Variants in PLCG2 observed in about 807,000 individuals in gnomAD.
The protein encoded by PLCG2 is phospholipase C gamma 2.
In PLCG2, 69 loss-of-function variants were observed where a neutral mutation model predicts 175.6. The observed-to-expected ratio is 0.39, with a 90% confidence interval of 0.32 to 0.48. The LOEUF (loss-of-function observed/expected upper bound fraction) is 0.48. PLCG2 is among the 20% of genes least tolerant of loss of function. The pLI is 0.91. For missense variants in PLCG2, 1,798 were observed against 1,650.9 expected (o/e 1.09, Z -1.54); for synonymous variants, 827 against 624.0 (o/e 1.33, Z -4.85).
chr16:81,946,786 C>A (rs1911167243), intron 31 of PLCG2, among the ~76,000 whole-genome samples: 1 of 152,132 alleles, frequency 6.6e-6, no homozygotes, highest in Admixed American at 6.5e-5. Flanking sequence ...TCCTTAGGAT[C>A]AATACTCAGA....
intron 19 of PLCG2, among the ~76,000 whole-genome samples, chr16:81,913,282 C>A (rs891135129): frequency 6.6e-6 from 1 of 152,232 alleles, no homozygotes; most frequent in Non-Finnish European, 1.5e-5. Context: ...CCCAGGGTTT[C>A]CCTGCATGTT....
At chr16:81,778,996 G>A (rs1191295946), upstream of PLCG2, among the ~76,000 whole-genome samples, 1 of 152,092 alleles carries the variant, frequency 6.6e-6, no homozygotes, top group Non-Finnish European at 1.5e-5. Flanking sequence ...CACCTGGACT[G>A]CGGCCGGCTC....
intron 27 of PLCG2, chr16:81,937,556 A>T: frequency 2.3e-6 from 1 of 430,204 alleles, no homozygotes; most frequent in Non-Finnish European, 4.1e-6. Context: ...GGATTTGGTG[A>T]CATACTTGGA....
intron 19 of PLCG2, among the ~76,000 whole-genome samples, chr16:81,915,349 G>A (rs576247736): frequency 6.6e-6 from 1 of 152,326 alleles, no homozygotes; most frequent in African/African-American, 2.4e-5. Flanking sequence ...CCCCAGTAGA[G>A]GAGAAACACC....
intron 2 of PLCG2, among the ~76,000 whole-genome samples, chr16:81,846,664 A>G (rs1211957522): frequency 6.6e-6 from 1 of 152,230 alleles, no homozygotes; most frequent in African/African-American, 2.4e-5. Context: ...ATGTTCATGG[A>G]TAGGAAGACT....
chr16:81,918,587 A>C (rs1240409442), intron 19 of PLCG2, among the ~76,000 whole-genome samples: 3 of 152,060 alleles, frequency 2.0e-5, no homozygotes, highest in African/African-American at 7.2e-5. Flanking sequence ...TTGGCTATCT[A>C]TTCTGTTCCA....
At chr16:81,906,888 A>C (rs553593547) in intron 15 of PLCG2, among the ~76,000 whole-genome samples, 7 of 152,260 alleles carry the variant, frequency 4.6e-5, no homozygotes, top group Non-Finnish European at 1.0e-4. Flanking sequence ...AACTACAAAA[A>C]TAAGTTGGGC....
At chr16:81,887,430 T>A (rs1908426133) in intron 9 of PLCG2, among the ~76,000 whole-genome samples, 1 of 152,326 alleles carries the variant, frequency 6.6e-6, no homozygotes, top group African/African-American at 2.4e-5. Flanking sequence ...AGTATTTTAA[T>A]AAAATATCCC....
upstream of PLCG2, among the ~76,000 whole-genome samples, chr16:81,775,804 G>T (rs1910386341): frequency 6.6e-6 from 1 of 152,094 alleles, no homozygotes. Flanking sequence ...AAAAGGAAAA[G>T]AAAGATCCCT....
chr16:81,921,184 CT>C lies in PLCG2; in HGVS notation c.2236-5del, dbSNP rs577381463. ...CATGGATTATTCCATTTCTTTCTTT[CT>C]TTTTTTTTCCAGGAAAGAGATATAA... On this transcript the variant is annotated splice_polypyrimidine_tract_variant and intron_variant, in intron 20 of 32. Transcript: ENST00000564138. The C allele has an allele frequency of 3.7e-5, 56 of 1,496,546 alleles. 1 individual carries two copies. Among genetic ancestry groups the C allele is most frequent in the African/African-American group, 6.9e-5 (5 of 72,902 alleles). The allele number at this position is 1,496,546 out of a possible 1,614,324, so 92.7% of individuals were successfully genotyped here.
chr16:81,941,725 T>A (rs1166063113), intron 30 of PLCG2, among the ~76,000 whole-genome samples: 2 of 149,632 alleles, frequency 1.3e-5, no homozygotes, highest in East Asian at 2.0e-4. Context: ...TGAGATGGAG[T>A]CTTGCTCTGT....
chr16:81,842,425 C>G (rs76684441), intron 2 of PLCG2, among the ~76,000 whole-genome samples: 2 of 152,168 alleles, frequency 1.3e-5, no homozygotes, highest in Non-Finnish European at 2.9e-5. Context: ...CTGTGTCTGT[C>G]TCTGCAGTGT....
chr16:81,923,847 A>T (rs1023345054), intron 22 of PLCG2, among the ~76,000 whole-genome samples: 2 of 152,198 alleles, frequency 1.3e-5, no homozygotes, highest in African/African-American at 4.8e-5. Context: ...AACAGCAGCT[A>T]CCATTTATTG....
chr16:81,817,168 G>C (rs1449186718), intron 2 of PLCG2, among the ~76,000 whole-genome samples: 1 of 152,148 alleles, frequency 6.6e-6, no homozygotes, highest in Non-Finnish European at 1.5e-5. Context: ...GACAGGAAGA[G>C]CGCACATGAT....
intron 17 of PLCG2, among the ~76,000 whole-genome samples, chr16:81,908,985 C>G (rs1207969607): frequency 3.3e-5 from 5 of 152,170 alleles, no homozygotes; most frequent in African/African-American, 1.2e-4. Flanking sequence ...ATCTCTGTCT[C>G]CTCCATAAAA....
rs140824683 is a variant in PLCG2 at position 81,892,557 on chromosome 16, G to A, written c.986+967G>A. On this transcript the variant is annotated intron_variant, in intron 11 of 32. Transcript: ENST00000564138. ...CTTTCAGGGGGAAATTGATTTCACAGTTCTCTCTTCCCCACCATGCCCATC... is the reference window on the plus strand; with the variant it reads ...CTTTCAGGGGGAAATTGATTTCACAATTCTCTCTTCCCCACCATGCCCATC... 1.2e-3 allele frequency among the ~76,000 whole-genome samples: 186 copies of A among 152,172 alleles called. No homozygotes were observed. The South Asian group carries it at 0.023, about 18-fold the overall frequency.
At chr16:81,750,250 A>T (rs147874759) in intron 1 of PLCG2, among the ~76,000 whole-genome samples, 75 of 152,128 alleles carry the variant, frequency 4.9e-4, no homozygotes, top group African/African-American at 1.8e-3. Flanking sequence ...TCTGCTAAAA[A>T]TACAACAACA....
intron 1 of PLCG2, among the ~76,000 whole-genome samples, chr16:81,779,796 C>A (rs1910648239): frequency 6.6e-6 from 1 of 152,166 alleles, no homozygotes; most frequent in Admixed American, 6.5e-5. Context: ...CTTGACGGCC[C>A]TTGTGCCCAG....
chr16:81,947,673 A>G (rs185542116), intron 31 of PLCG2, among the ~76,000 whole-genome samples: 27 of 152,362 alleles, frequency 1.8e-4, no homozygotes, highest in African/African-American at 5.3e-4. Context: ...AAAACTGTCA[A>G]TAAGCACTTT....
Sources: allele counts gnomAD v4.1 joint callset (sites outside exome capture counted in the v4.1 genomes callset), GRCh38; gene constraint gnomAD v4.1.1; transcripts MANE v1.5; gene names NCBI Gene and HGNC (gene_info 2026-07-23, HGNC 2026-07-21).